Variants in GABBR2 observed in about 807,000 individuals in gnomAD.
The protein encoded by GABBR2 is G-protein coupled receptor 51.
Under a neutral mutation model 105.6 loss-of-function variants are expected in GABBR2, and 23 were observed. The ratio of observed to expected loss-of-function variants is 0.22; its 90% CI spans 0.16 to 0.31. GABBR2 has a LOEUF of 0.31. GABBR2 is among the 10% of genes least tolerant of loss of function. GABBR2 has a pLI of 1.00. For synonymous variants in GABBR2, 478 were observed against 499.7 expected (o/e 0.96, Z 0.58); for missense variants, 734 against 1,245.5 (o/e 0.59, Z 6.18).
At chr9:98,659,303 C>T (rs1160354138) in intron 1 of GABBR2, among the ~76,000 whole-genome samples, 1 of 152,134 alleles carries the variant, frequency 6.6e-6, no homozygotes, top group African/African-American at 2.4e-5. Context: ...TATTTTAAAG[C>T]ACTGCACTGG....
intron 1 of GABBR2, among the ~76,000 whole-genome samples, chr9:98,589,210 C>A (rs1346204101): frequency 2.0e-5 from 3 of 152,142 alleles, no homozygotes; most frequent in Non-Finnish European, 4.4e-5. Flanking sequence ...CTGTTCCTAC[C>A]CGAGCCTCTT....
intron 4 of GABBR2, among the ~76,000 whole-genome samples, chr9:98,492,513 T>C (rs1827199515): frequency 6.6e-6 from 1 of 152,100 alleles, no homozygotes. Context: ...ATTGATGTTA[T>C]TATTAGCTAA....
chr9:98,303,510 C>T (rs1830503090), intron 15 of GABBR2, 87 bp from the exon 16 acceptor site: 2 of 1,244,382 alleles, frequency 1.6e-6, no homozygotes, highest in Non-Finnish European at 2.3e-6. Context: ...CCAGCAGATC[C>T]TGCTCTGGAG....
intron 1 of GABBR2, among the ~76,000 whole-genome samples, chr9:98,635,145 CT>C (rs1201047938): frequency 6.6e-6 from 1 of 152,216 alleles, no homozygotes; most frequent in Non-Finnish European, 1.5e-5. Context: ...ATCTTATCAG[CT>C]GTATAAAGCT....
chr9:98,294,752 A>G (rs954818370), intron 17 of GABBR2, among the ~76,000 whole-genome samples: 2 of 152,198 alleles, frequency 1.3e-5, no homozygotes, highest in African/African-American at 4.8e-5. Flanking sequence ...TGCTAGGATT[A>G]CAGGTGTGAG....
intron 2 of GABBR2, among the ~76,000 whole-genome samples, chr9:98,545,807 T>A (rs766387247): frequency 3.3e-5 from 5 of 152,162 alleles, no homozygotes; most frequent in Non-Finnish European, 5.9e-5. Flanking sequence ...CTCCCATGGA[T>A]GACTATCTAC....
At chr9:98,561,420 G>A (rs1313311416) in intron 2 of GABBR2, among the ~76,000 whole-genome samples, 5 of 152,162 alleles carry the variant, frequency 3.3e-5, no homozygotes, top group Non-Finnish European at 7.3e-5. Context: ...GGCTGGAATG[G>A]AGGAATGGAG....
chr9:98,393,578 C>G (rs1179578308), intron 9 of GABBR2, among the ~76,000 whole-genome samples: 1 of 152,240 alleles, frequency 6.6e-6, no homozygotes, highest in African/African-American at 2.4e-5. Context: ...CAGACCTTGG[C>G]TGGTGCCAGG....
At chr9:98,542,486 G>A (rs1828324690) in intron 2 of GABBR2, among the ~76,000 whole-genome samples, 3 of 152,130 alleles carry the variant, frequency 2.0e-5, no homozygotes, top group South Asian at 4.1e-4. Context: ...TTACTGAATC[G>A]TTTCTAATTT....
chr9:98,598,697 C>T (rs1173224888), intron 1 of GABBR2, among the ~76,000 whole-genome samples: 1 of 152,078 alleles, frequency 6.6e-6, no homozygotes, highest in Admixed American at 6.5e-5. Flanking sequence ...ACCAGGGGTG[C>T]GCACACAGCA....
intron 1 of GABBR2, among the ~76,000 whole-genome samples, chr9:98,667,122 A>C (rs1013368456): frequency 6.6e-6 from 1 of 152,220 alleles, no homozygotes; most frequent in African/African-American, 2.4e-5. Context: ...CCAGTAAGCC[A>C]TTTAAATCAG....
intron 1 of GABBR2, among the ~76,000 whole-genome samples, chr9:98,682,962 C>T (rs1018017003): frequency 4.6e-5 from 7 of 152,194 alleles, no homozygotes; most frequent in African/African-American, 1.7e-4. Context: ...CCACTGCTGT[C>T]CAAGGACAGC....
At chr9:98,382,351 T>G (rs1197870112) in intron 11 of GABBR2, among the ~76,000 whole-genome samples, 2 of 152,110 alleles carry the variant, frequency 1.3e-5, no homozygotes, top group Non-Finnish European at 2.9e-5. Flanking sequence ...TCTCGCTCTG[T>G]CGCCCAGGCA....
chr9:98,641,688 G>A (rs1330572414), intron 1 of GABBR2, among the ~76,000 whole-genome samples: 2 of 152,166 alleles, frequency 1.3e-5, no homozygotes, highest in Non-Finnish European at 2.9e-5. Flanking sequence ...AATCCATTCT[G>A]CCTTAATTTT....
At chr9:98,536,275 C>A (rs1828179927) in intron 3 of GABBR2, among the ~76,000 whole-genome samples, 1 of 152,114 alleles carries the variant, frequency 6.6e-6, no homozygotes, top group East Asian at 1.9e-4. Context: ...ATCCAAAATT[C>A]TTTGAGCTAG....
At chr9:98,349,132 C>CAT in intron 13 of GABBR2, among the ~76,000 whole-genome samples, 1 of 151,484 alleles carries the variant, frequency 6.6e-6, no homozygotes, top group South Asian at 2.1e-4. Flanking sequence ...TTTTTTTTAT[C>CAT]ATGAAGGGAT....
At chr9:98,566,711 T>C (rs1588231471) in intron 2 of GABBR2, among the ~76,000 whole-genome samples, 1 of 140,158 alleles carries the variant, frequency 7.1e-6, no homozygotes. Flanking sequence ...CTGGGCGTGG[T>C]AGTATGTGTC....
At chr9:98,332,043 C>T (rs1238081709) in intron 13 of GABBR2, among the ~76,000 whole-genome samples, 1 of 152,208 alleles carries the variant, frequency 6.6e-6, no homozygotes, top group African/African-American at 2.4e-5. Context: ...TCCCATCCAT[C>T]AGCTCATTTG....
At chr9:98,633,762 T>C (rs933717078) in intron 1 of GABBR2, among the ~76,000 whole-genome samples, 1 of 152,178 alleles carries the variant, frequency 6.6e-6, no homozygotes, top group Non-Finnish European at 1.5e-5. Flanking sequence ...TGGAAGAGCC[T>C]TAGTCTGCAG....
Sources: gnomAD v4.1 joint callset for allele counts (sites outside exome capture counted in the v4.1 genomes callset) on GRCh38, gnomAD v4.1.1 for gene constraint, MANE v1.5 for transcripts, NCBI Gene and HGNC (gene_info 2026-07-23, HGNC 2026-07-21) for gene names.